Variants in AMD1 observed in about 807,000 individuals in gnomAD.
AMD1 encodes the protein adenosylmethionine decarboxylase 1, also known as S-adenosylmethionine decarboxylase proenzyme.
AMD1 carries 11 observed loss-of-function variants against 40.2 expected under a neutral mutation model. That is an observed-to-expected ratio of 0.27 (90% CI 0.17 to 0.45). The LOEUF is 0.45. Ranked by LOEUF, AMD1 falls within the 20% of genes least tolerant of loss-of-function variation. The pLI, the probability that AMD1 is intolerant of heterozygous loss-of-function variation, is 1.00. For synonymous variants in AMD1, 121 were observed against 130.8 expected (o/e 0.93, Z 0.51); for missense variants, 257 against 410.2 (o/e 0.63, Z 3.23).
At position 110,890,236 on chromosome 6, in the gene AMD1, T is replaced by C. The variant is rs1785938837; in HGVS notation, c.325-18T>C. 1 of 1,516,028 alleles carries C rather than the reference T, an allele frequency of 6.6e-7. No homozygotes were observed. Among genetic ancestry groups the C allele is most frequent in the South Asian group, 1.2e-5 (1 of 81,170 alleles). The allele number at this position is 1,516,028 out of a possible 1,614,324, so 93.9% of individuals were successfully genotyped here. ...CTAAAGTCATCTTTTTTTTTCTTTCTTTTCTTTTTTAATAAAGAGCTTCTT... is the reference window on the plus strand; with the variant it reads ...CTAAAGTCATCTTTTTTTTTCTTTCCTTTCTTTTTTAATAAAGAGCTTCTT... On this transcript the variant is annotated intron_variant, in intron 3 of 8. Coordinates refer to ENST00000368885, the MANE Select transcript of AMD1 (RefSeq NM_001634.6).
At chr6:110,859,141 C>A in the AMD1 span, 1 of 1,284,240 alleles carries the variant, frequency 7.8e-7, no homozygotes, top group Non-Finnish European at 1.1e-6. Flanking sequence ...AGGAGGCTGG[C>A]TACTGAGGCT....
In AMD1 at chr6:110,894,807, G is replaced by A. The variant is rs761575446; in HGVS notation, c.*1191G>A. 1 of 152,102 alleles carries A rather than the reference G, an allele frequency of 6.6e-6. No homozygotes were observed. Among genetic ancestry groups the A allele is most frequent in the Non-Finnish European group, 1.5e-5 (1 of 68,030 alleles). 9.4% of individuals were successfully genotyped at this position (152,102 alleles called of 1,614,324 possible). The stretch of plus-strand genomic sequence containing the variant: ...AGTTCTGTGACTGTGATGCATGTGA[G>A]TGTTCCGACTTCATCTGTTCCTCTT... On this transcript the variant is annotated 3_prime_UTR_variant, in exon 9 of 9. Transcript: ENST00000368885.
chr6:110,877,451 C>G (rs1177950132), intron 1 of AMD1, among the ~76,000 whole-genome samples: 1 of 152,220 alleles, frequency 6.6e-6, no homozygotes, highest in Non-Finnish European at 1.5e-5. Context: ...GGACGGAGTC[C>G]GGTCGGTGGG....
chr6:110,863,556 G>A, the AMD1 span, among the ~76,000 whole-genome samples: 1 of 151,478 alleles, frequency 6.6e-6, no homozygotes, highest in Non-Finnish European at 1.5e-5. Flanking sequence ...TTTTAGTAGA[G>A]ACGGGGTTTC....
At chr6:110,890,595 C>T (rs1190799010) in intron 4 of AMD1, among the ~76,000 whole-genome samples, 1 of 152,124 alleles carries the variant, frequency 6.6e-6, no homozygotes, top group Non-Finnish European at 1.5e-5. Context: ...AAGTGATCCT[C>T]CCACCTTAGC....
the AMD1 span, chr6:110,815,356 A>C: frequency 2.5e-6 from 1 of 393,502 alleles, no homozygotes. Context: ...CTCCTCCGCG[A>C]CGGCGGCGGC....
chr6:110,892,138 T>G lies in AMD1; in HGVS notation c.428-23T>G, dbSNP rs774165766. 7 of 1,612,466 alleles carry G rather than the reference T, an allele frequency of 4.3e-6. No homozygotes were observed. In the South Asian group the frequency reaches 7.7e-5, roughly 18 times the overall value. On this transcript the variant is annotated intron_variant, in intron 4 of 8. Coordinates refer to ENST00000368885, the MANE Select transcript of AMD1 (RefSeq NM_001634.6). ...TATTAAATGGATGTGTTATATTTAT[T>G]TTGCGTTCTCTTCCCTCAACAGATG...
chr6:110,831,413 T>C, the AMD1 span, among the ~76,000 whole-genome samples: 1 of 149,990 alleles, frequency 6.7e-6, no homozygotes, highest in Admixed American at 6.7e-5. Flanking sequence ...TACTCCAACC[T>C]GGGCGACAGT....
chr6:110,859,423 C>T, the AMD1 span, among the ~76,000 whole-genome samples: 1 of 152,136 alleles, frequency 6.6e-6, no homozygotes, highest in African/African-American at 2.4e-5. Flanking sequence ...CCGAGCAGTG[C>T]TGGGGAGAAG....
At chr6:110,816,989 A>C in the AMD1 span, among the ~76,000 whole-genome samples, 35 of 152,202 alleles carry the variant, frequency 2.3e-4, no homozygotes, top group Non-Finnish European at 4.6e-4. Context: ...TACGTAATTA[A>C]AACTTTTTCT....
In AMD1 at chr6:110,889,069, C is replaced by T. The variant is rs1157723485; in HGVS notation, c.324+86C>T. On this transcript the variant is annotated intron_variant, in intron 3 of 8. Coordinates refer to ENST00000368885, the MANE Select transcript of AMD1 (RefSeq NM_001634.6). The stretch of plus-strand genomic sequence containing the variant: ...TATGCGAAGTAAATAAATTTATATA[C>T]TTACTGCCTTTGTTACAATGCATGC... 82 of 1,493,308 alleles carry T rather than the reference C, an allele frequency of 5.5e-5. 1 individual carries two copies. The South Asian group carries it at 9.9e-4, about 18-fold the overall frequency. 92.5% of individuals were successfully genotyped at this position (1,493,308 alleles called of 1,614,324 possible).
At chr6:110,846,193 C>T in the AMD1 span, among the ~76,000 whole-genome samples, 5 of 152,046 alleles carry the variant, frequency 3.3e-5, no homozygotes, top group Admixed American at 3.3e-4. Flanking sequence ...GAGCTGAGAT[C>T]GCGCCACTGC....
the AMD1 span, among the ~76,000 whole-genome samples, chr6:110,834,881 G>C: frequency 1.1e-3 from 168 of 150,304 alleles, 2 homozygotes; most frequent in Admixed American, 0.011. Flanking sequence ...CCCAGGAGGT[G>C]GAGGTTGCAG....
the AMD1 span, among the ~76,000 whole-genome samples, chr6:110,867,064 C>T: frequency 4.7e-4 from 72 of 152,134 alleles, no homozygotes; most frequent in African/African-American, 1.7e-3. Flanking sequence ...CCACCCGCCT[C>T]GGCCTCCCAA....
the AMD1 span, among the ~76,000 whole-genome samples, chr6:110,842,262 T>A: frequency 6.6e-6 from 1 of 152,280 alleles, no homozygotes; most frequent in Non-Finnish European, 1.5e-5. Context: ...CCAAGTTGTA[T>A]AGCAAGCAGG....
upstream of AMD1, among the ~76,000 whole-genome samples, chr6:110,872,357 A>G (rs959844275): frequency 6.6e-6 from 1 of 152,202 alleles, no homozygotes; most frequent in Non-Finnish European, 1.5e-5. Context: ...TGATTACTAA[A>G]GAGAATAAAG....
At chr6:110,854,738 G>A in the AMD1 span, among the ~76,000 whole-genome samples, 4 of 151,850 alleles carry the variant, frequency 2.6e-5, no homozygotes, top group African/African-American at 7.3e-5. Flanking sequence ...GTGAGCCACC[G>A]CACCCGGCCA....
At chr6:110,825,511 A>G in the AMD1 span, among the ~76,000 whole-genome samples, 1 of 152,290 alleles carries the variant, frequency 6.6e-6, no homozygotes, top group East Asian at 1.9e-4. Context: ...TTCTCCATGT[A>G]TGCAAGAGTC....
chr6:110,857,796 T>G, the AMD1 span, among the ~76,000 whole-genome samples: 1 of 148,436 alleles, frequency 6.7e-6, no homozygotes, highest in African/African-American at 2.5e-5. Context: ...AGATGGTATA[T>G]ATATATAGAT....
Sources: gnomAD v4.1 joint callset for allele counts (sites outside exome capture counted in the v4.1 genomes callset) on GRCh38, gnomAD v4.1.1 for gene constraint, MANE v1.5 for transcripts, NCBI Gene and HGNC (gene_info 2026-07-23, HGNC 2026-07-21) for gene names.